The following DUSP26 variants were observed in gnomAD, a reference collection of about 807,000 sequenced individuals.
DUSP26 encodes the protein dual specificity protein phosphatase 26.
DUSP26 carries 12 observed loss-of-function variants against 20.0 expected under a neutral mutation model. That is an observed-to-expected ratio of 0.60 (90% confidence interval 0.38 to 0.97). The LOEUF is 0.97. Among genes scored for constraint, DUSP26 ranks in the 50% least tolerant of loss-of-function variants. The probability of loss-of-function intolerance (pLI) is 0.00; values close to 1 mark genes in which losing one functional copy is unlikely to be tolerated. For missense variants in DUSP26, 230 were observed against 294.0 expected (o/e 0.78, Z 1.59); for synonymous variants, 120 against 118.8 (o/e 1.01, Z -0.06).
chr8:33,592,070 G>C lies in DUSP26; in HGVS notation c.579C>G (p.Gly193=), dbSNP rs1053057106. 4.3e-6 allele frequency: 7 copies of C among 1,613,964 alleles called. No homozygotes were observed. Among genetic ancestry groups the C allele is most frequent in the Non-Finnish European group, 5.9e-6 (7 of 1,180,014 alleles). ...KDHRGIIPNR[G]FLRQLLALDR... is the part of the protein sequence containing the mutation. ...CCAGGGCCAGGAGCTGCCTCAGGAA[G>C]CCCCGGTTGGGGATGATGCCTCGGT... The change falls in exon 4 of 4, where the codon GGC becomes GGG. Residue 193 remains glycine, a synonymous_variant. Transcript: ENST00000256261.
intron 3 of DUSP26, among the ~76,000 whole-genome samples, 155 bp downstream of exon 3, chr8:33,593,378 C>G (rs1811067079): frequency 6.6e-6 from 1 of 152,136 alleles, no homozygotes; most frequent in South Asian, 2.1e-4. Flanking sequence ...TTCTGTATTG[C>G]TTTAAAAAAA....
rs751947778 is a variant in DUSP26 at position 33,597,437 on chromosome 8, G to T, written c.79C>A (p.Arg27=). 1 of 1,614,100 alleles carries T rather than the reference G, an allele frequency of 6.2e-7. No individual in the cohort carries two copies. The highest frequency in any genetic ancestry group is 8.5e-7 in the Non-Finnish European group (1 of 1,180,022). ...ATCTCCTCCAGGGTCCCTCGAGTTCGAACAGGAGACCTTGAGCTACTCCGG... is the reference window on the plus strand; with the variant it reads ...ATCTCCTCCAGGGTCCCTCGAGTTCTAACAGGAGACCTTGAGCTACTCCGG... ...FSRSSSRSPV[R]TRGTLEEMPT... is the part of the protein sequence containing the mutation. Residue 27 remains arginine, a synonymous_variant, in exon 2 of 4, where the codon CGA becomes AGA. Coordinates refer to ENST00000256261, the MANE Select transcript of DUSP26 (RefSeq NM_024025.3).
At chr8:33,599,123 A>G (rs1385113326) in intron 1 of DUSP26, among the ~76,000 whole-genome samples, 3 of 151,326 alleles carry the variant, frequency 2.0e-5, no homozygotes, top group Non-Finnish European at 4.4e-5. Flanking sequence ...AGCCATCATC[A>G]CCACCACCAT....
chr8:33,598,712 C>G (rs1246740965), intron 1 of DUSP26, among the ~76,000 whole-genome samples: 1 of 152,102 alleles, frequency 6.6e-6, no homozygotes, highest in Non-Finnish European at 1.5e-5. Context: ...TGAGGCTTGC[C>G]CTGGGACCTT....
chr8:33,595,937 A>T (rs1365393956), intron 2 of DUSP26, among the ~76,000 whole-genome samples: 1 of 152,156 alleles, frequency 6.6e-6, no homozygotes, highest in Non-Finnish European at 1.5e-5. Flanking sequence ...AGGGAGAGTG[A>T]TACCTATCTC....
At position 33,592,124 on chromosome 8, in the gene DUSP26, G is replaced by A. The variant is rs559939925; in HGVS notation, c.525C>T (p.Leu175=). ...AYLMLYHHLT[L]VEAIKKVKDH... Reference sequence around the variant, plus strand: ...CTTTGACTTTCTTGATGGCCTCCACGAGGGTAAGGTGGTGGTACAGCATGA... The same window carrying A: ...CTTTGACTTTCTTGATGGCCTCCACAAGGGTAAGGTGGTGGTACAGCATGA... Residue 175 remains leucine (L), a synonymous_variant, in exon 4 of 4, where the codon CTC becomes CTT. Transcript: ENST00000256261. The A allele has an allele frequency of 2.6e-5, 42 of 1,614,104 alleles. No homozygotes were observed. Among genetic ancestry groups the A allele is most frequent in the Non-Finnish European group, 3.5e-5 (41 of 1,180,026 alleles).
rs548843499 is a variant in DUSP26 at position 33,591,557 on chromosome 8, G to T, written c.*456C>A. Reference sequence around the variant, plus strand: ...TTTTCACACCATCTCTTCGCTGTCTGTCTCTATGCTAGGGGTTTCACACAA... The same window carrying T: ...TTTTCACACCATCTCTTCGCTGTCTTTCTCTATGCTAGGGGTTTCACACAA... On this transcript the variant is annotated 3_prime_UTR_variant, in exon 4 of 4. Coordinates refer to ENST00000256261, the MANE Select transcript of DUSP26 (RefSeq NM_024025.3). 6.3e-6 allele frequency: 1 copy of T among 159,850 alleles called. No homozygotes were observed. Among genetic ancestry groups the T allele is most frequent in the East Asian group, 1.9e-4 (1 of 5,230 alleles). The allele number at this position is 159,850 out of a possible 1,614,324, so 9.9% of individuals were successfully genotyped here.
intron 3 of DUSP26, among the ~76,000 whole-genome samples, chr8:33,592,478 G>T (rs1256203755): frequency 1.4e-5 from 2 of 138,824 alleles, no homozygotes; most frequent in African/African-American, 5.4e-5. Flanking sequence ...GGCTGAGGCT[G>T]CAGTGAGCCA....
chr8:33,593,355 C>G (rs1811066688), intron 3 of DUSP26, among the ~76,000 whole-genome samples, 178 bp downstream of exon 3: 1 of 152,130 alleles, frequency 6.6e-6, no homozygotes, highest in Non-Finnish European at 1.5e-5. Context: ...TTGATAATTT[C>G]CTTCTTGTCT....
At position 33,597,285 on chromosome 8, in the gene DUSP26, C is replaced by T. The variant is rs200175837; in HGVS notation, c.221+10G>A. 48 of 1,605,114 alleles carry T rather than the reference C, an allele frequency of 3.0e-5. No homozygotes were observed. Among genetic ancestry groups the T allele is most frequent in the East Asian group, 2.7e-4 (12 of 44,678 alleles). On this transcript the variant is annotated intron_variant, in intron 2 of 3. Coordinates refer to ENST00000256261, the MANE Select transcript of DUSP26 (RefSeq NM_024025.3). ...CGCTCTACCGTGGGCCCAGTCTGCC[C>T]GATACATACTGGTCTCCGAGATAGA...
intron 2 of DUSP26, 45 bp downstream of exon 2, chr8:33,597,250 A>G (rs1219906992): frequency 1.3e-6 from 2 of 1,532,686 alleles, no homozygotes; most frequent in Non-Finnish European, 1.8e-6. Flanking sequence ...TACACACACA[A>G]ACACACACAC....
rs925760738 is a variant in DUSP26, at chr8:33,591,806, T to C, written c.*207A>G. 10 of 597,870 alleles carry C rather than the reference T, an allele frequency of 1.7e-5. No individual in the cohort carries two copies. The highest frequency in any genetic ancestry group is 5.8e-6 in the Non-Finnish European group (2 of 343,740). The allele number at this position is 597,870 out of a possible 1,614,324, so 37.0% of individuals were successfully genotyped here. ...AGCTGCCTCCTTCCCTGGTCAACCC[T>C]TCCTGGGTGCCCATCCACCACACTG... is the stretch of plus-strand genomic sequence containing the variant. On this transcript the variant is annotated 3_prime_UTR_variant, in exon 4 of 4. Transcript: ENST00000256261.
intron 1 of DUSP26, among the ~76,000 whole-genome samples, chr8:33,597,984 C>T (rs555251085): frequency 5.3e-5 from 8 of 151,818 alleles, no homozygotes; most frequent in East Asian, 3.9e-4. Context: ...CTGGGGCTAT[C>T]GGCAGAGAGC....
In DUSP26 at chr8:33,593,633, G is replaced by A; in HGVS notation, c.336C>T (p.Arg112=). 6.2e-7 allele frequency: 1 copy of A among 1,614,218 alleles called. No homozygotes were observed. Among genetic ancestry groups the A allele is most frequent in the Non-Finnish European group, 8.5e-7 (1 of 1,180,046 alleles). The change falls in exon 3 of 4, where the codon CGC becomes CGT. Residue 112 remains arginine (R), a synonymous_variant. Transcript: ENST00000256261. ...AGTCGTGGGCCTCAACACCCAGGTAGCGGATGCCCAGCCCCTCATAGGCCT... is the reference window on the plus strand; with the variant it reads ...AGTCGTGGGCCTCAACACCCAGGTAACGGATGCCCAGCCCCTCATAGGCCT... ...TPEAYEGLGI[R]YLGVEAHDSP...
Position 33,592,126 on chromosome 8 carries a change from G to A in DUSP26, c.523C>T (p.Leu175Phe). 1 of 1,614,060 alleles carries A rather than the reference G, an allele frequency of 6.2e-7. No homozygotes were observed. The highest frequency in any genetic ancestry group is 1.1e-5 in the South Asian group (1 of 91,078). ...TTGACTTTCTTGATGGCCTCCACGA[G>A]GGTAAGGTGGTGGTACAGCATGAGG... Reference protein sequence around the residue: ...AYLMLYHHLTLVEAIKKVKDH... With the variant: ...AYLMLYHHLTFVEAIKKVKDH... The change falls in exon 4 of 4, where the codon CTC (leucine) becomes TTC (phenylalanine). Residue 175 changes from leucine (L) to phenylalanine (F), a missense_variant. Transcript: ENST00000256261.
At position 33,595,870 on chromosome 8, in the gene DUSP26, C is replaced by T. The variant is rs533348661; in HGVS notation, c.221+1425G>A. Among the ~76,000 whole-genome samples, 21 of 152,216 alleles carry T rather than the reference C, an allele frequency of 1.4e-4. No individual in the cohort carries two copies. The South Asian group carries it at 1.5e-3, about 11-fold the overall frequency. On this transcript the variant is annotated intron_variant, in intron 2 of 3. Coordinates refer to ENST00000256261, the MANE Select transcript of DUSP26 (RefSeq NM_024025.3). ...AGCCCGGGCTCTGCTACTTACAACCCGTGTGACCTTGGCCAGGCACAACTT... is the reference window on the plus strand; with the variant it reads ...AGCCCGGGCTCTGCTACTTACAACCTGTGTGACCTTGGCCAGGCACAACTT...
At position 33,593,697 on chromosome 8, in the gene DUSP26, A is replaced by G. The variant is rs1422106246; in HGVS notation, c.272T>C (p.Val91Ala). ...CCACCGGCTGTGTGAGGCATTGAGG[A>G]CGTGCGTGATGCCCAGGCGGCGAAG... ...RELRRLGITH[V>A]LNASHSRWRG... Residue 91 changes from valine (V) to alanine (A), a missense_variant, in exon 3 of 4, where the codon GTC becomes GCC. Val to Ala is a moderately conservative substitution (Grantham distance 64). Coordinates refer to ENST00000256261, the MANE Select transcript of DUSP26 (RefSeq NM_024025.3). The G allele has an allele frequency of 5.6e-6, 9 of 1,614,192 alleles. No individual in the cohort carries two copies. The highest frequency in any genetic ancestry group is 7.6e-6 in the Non-Finnish European group (9 of 1,180,032).
chr8:33,599,912 C>T lies in DUSP26; in HGVS notation c.-324G>A, dbSNP rs1023026501. 1 of 152,248 alleles carries T rather than the reference C, an allele frequency of 6.6e-6. No individual in the cohort carries two copies. Among genetic ancestry groups the T allele is most frequent in the Non-Finnish European group, 1.5e-5 (1 of 68,068 alleles). The allele number at this position is 152,248 out of a possible 1,614,324, so 9.4% of individuals were successfully genotyped here. ...CCGAGTCGCCAGGCAGCGTGGGCTC[C>T]CCAGCCAACCCCCCACGAGCCCGCG... On this transcript the variant is annotated 5_prime_UTR_variant, in exon 1 of 4. Coordinates refer to ENST00000256261, the MANE Select transcript of DUSP26 (RefSeq NM_024025.3).
At chr8:33,598,309 C>T (rs548536626) in intron 1 of DUSP26, among the ~76,000 whole-genome samples, 64 of 152,116 alleles carry the variant, frequency 4.2e-4, no homozygotes, top group Non-Finnish European at 7.8e-4. Flanking sequence ...AAACCACCCT[C>T]CTTGGATCAG....
Sources: gnomAD v4.1 joint callset for allele counts (sites outside exome capture counted in the v4.1 genomes callset) on GRCh38, gnomAD v4.1.1 for gene constraint, MANE v1.5 for transcripts, NCBI Gene and HGNC (gene_info 2026-07-23, HGNC 2026-07-21) for gene names.